PRMT3: variants seen among roughly 807,000 people sequenced by gnomAD.
PRMT3 encodes the protein protein arginine methyltransferase 3, also known as protein arginine N-methyltransferase 3.
In PRMT3, 62 loss-of-function variants were observed where a neutral mutation model predicts 71.9. That is an observed-to-expected ratio of 0.86 (90% CI 0.70 to 1.07). The LOEUF is 1.07. Ranked by LOEUF, PRMT3 falls within the 50% of genes least tolerant of loss-of-function variation. PRMT3 has a pLI of 0.00. For missense variants in PRMT3, 663 were observed against 643.0 expected, an observed-to-expected ratio of 1.03 and a Z score of -0.34; for synonymous variants, 213 against 220.4, an observed-to-expected ratio of 0.97 and a Z score of 0.30.
intron 13 of PRMT3, among the ~76,000 whole-genome samples, chr11:20,476,152 C>A (rs1300559816): frequency 6.6e-6 from 1 of 151,684 alleles, no homozygotes; most frequent in Non-Finnish European, 1.5e-5. Context: ...GAGTTCAAGA[C>A]CAGCCTGGCC....
At chr11:20,404,162 T>G (rs1443063371) in intron 8 of PRMT3, among the ~76,000 whole-genome samples, 1 of 11,634 alleles carries the variant, frequency 8.6e-5, no homozygotes, top group East Asian at 7.1e-4. Context: ...TTATATTTAG[T>G]TTTTTTTTGT....
At chr11:20,476,871 CTCT>C (rs1042914037) in intron 13 of PRMT3, among the ~76,000 whole-genome samples, 132 of 152,062 alleles carry the variant, frequency 8.7e-4, no homozygotes, top group African/African-American at 3.0e-3. Flanking sequence ...GATTTTGCTT[CTCT>C]TCCCTTTTAA....
At chr11:20,485,443 C>T (rs1247114277) in intron 13 of PRMT3, among the ~76,000 whole-genome samples, 1 of 152,054 alleles carries the variant, frequency 6.6e-6, no homozygotes, top group African/African-American at 2.4e-5. Flanking sequence ...TTTTGAAAAA[C>T]TATGCTTACT....
intron 4 of PRMT3, 64 bp downstream of exon 4, chr11:20,392,324 G>C: frequency 6.9e-7 from 1 of 1,447,468 alleles, no homozygotes; most frequent in Non-Finnish European, 9.3e-7. Flanking sequence ...GTGACTGTCA[G>C]TGTACTGATT....
chr11:20,480,422 G>A (rs1478832191), intron 13 of PRMT3, among the ~76,000 whole-genome samples: 1 of 152,148 alleles, frequency 6.6e-6, no homozygotes, highest in Non-Finnish European at 1.5e-5. Flanking sequence ...TCTATCTGGT[G>A]GTCAGTAGTT....
intron 15 of PRMT3, among the ~76,000 whole-genome samples, chr11:20,495,766 G>A (rs890202702): frequency 2.0e-5 from 3 of 152,064 alleles, no homozygotes; most frequent in Non-Finnish European, 4.4e-5. Context: ...AAGTCTTCTT[G>A]TACCACCTTC....
intron 10 of PRMT3, among the ~76,000 whole-genome samples, chr11:20,430,622 G>A (rs1217583508): frequency 6.6e-6 from 1 of 151,452 alleles, no homozygotes; most frequent in Non-Finnish European, 1.5e-5. Flanking sequence ...ATATATTTAA[G>A]GTGTACAACA....
chr11:20,394,835 T>G (rs1313750645), intron 5 of PRMT3, among the ~76,000 whole-genome samples: 2 of 152,208 alleles, frequency 1.3e-5, no homozygotes, highest in Non-Finnish European at 2.9e-5. Flanking sequence ...TGTCTGTTTG[T>G]GTCTGGCTTA....
chr11:20,486,140 T>C (rs1851065537), intron 13 of PRMT3, among the ~76,000 whole-genome samples: 1 of 152,176 alleles, frequency 6.6e-6, no homozygotes, highest in Non-Finnish European at 1.5e-5. Context: ...AGATGAAATA[T>C]CCAGAATAGG....
chr11:20,390,304 C>A (rs1023568906), intron 3 of PRMT3, among the ~76,000 whole-genome samples: 14 of 152,164 alleles, frequency 9.2e-5, no homozygotes, highest in Non-Finnish European at 1.8e-4. Flanking sequence ...ATAAGTCACT[C>A]TTCTAGACAA....
intron 15 of PRMT3, among the ~76,000 whole-genome samples, chr11:20,507,088 G>T (rs1590120417): frequency 1.3e-5 from 2 of 152,072 alleles, no homozygotes; most frequent in South Asian, 4.1e-4. Context: ...ATTCCTGAAG[G>T]TTCTGTGTAT....
intron 11 of PRMT3, among the ~76,000 whole-genome samples, chr11:20,460,217 C>T (rs1850352980): frequency 6.6e-6 from 1 of 152,108 alleles, no homozygotes. Flanking sequence ...ATTGTTTACA[C>T]CTGAAAGCTA....
intron 9 of PRMT3, among the ~76,000 whole-genome samples, chr11:20,423,499 A>G (rs560919289): frequency 4.1e-4 from 63 of 152,292 alleles, no homozygotes; most frequent in Non-Finnish European, 7.8e-4. Context: ...GCAGTTGAAT[A>G]GTTGCAACAG....
At chr11:20,460,727 A>G (rs1286086915) in intron 11 of PRMT3, among the ~76,000 whole-genome samples, 1 of 152,088 alleles carries the variant, frequency 6.6e-6, no homozygotes, top group Non-Finnish European at 1.5e-5. Context: ...ATCTGCCCAT[A>G]TTTATGTCCT....
intron 7 of PRMT3, among the ~76,000 whole-genome samples, chr11:20,402,636 C>G (rs1033979883): frequency 6.6e-6 from 1 of 152,118 alleles, no homozygotes; most frequent in Non-Finnish European, 1.5e-5. Flanking sequence ...CTTTAATTAT[C>G]ACTCTAAGTC....
chr11:20,435,020 A>AT (rs1182001093), intron 10 of PRMT3, among the ~76,000 whole-genome samples: 7 of 152,014 alleles, frequency 4.6e-5, no homozygotes, highest in African/African-American at 1.7e-4. Context: ...TCTGCATGGG[A>AT]TTTTTTTGTA....
In PRMT3 at chr11:20,508,335, CAAG is replaced by C; in HGVS notation, c.1521_1523del (p.Lys507del). Reference sequence around the variant, plus strand: ...CCTTGAAAGGAAAGGTCACAGTTCACAAGAATAAGAAAGATCCACGTTCTCTCA... The same window carrying C: ...CCTTGAAAGGAAAGGTCACAGTTCACAATAAGAAAGATCCACGTTCTCTCA... On this transcript the variant is annotated inframe_deletion, in exon 16 of 16. Transcript: ENST00000331079. The C allele has an allele frequency of 6.2e-7, 1 of 1,611,130 alleles. No individual in the cohort carries two copies. The highest frequency in any genetic ancestry group is 8.5e-7 in the Non-Finnish European group (1 of 1,177,460).
chr11:20,431,892 A>C (rs1470274469), intron 10 of PRMT3, among the ~76,000 whole-genome samples: 1 of 152,094 alleles, frequency 6.6e-6, no homozygotes. Context: ...ATTCCGCAGT[A>C]CTGTTTTCTA....
At chr11:20,388,734 G>C (rs2133289860) in intron 2 of PRMT3, among the ~76,000 whole-genome samples, 1 of 152,344 alleles carries the variant, frequency 6.6e-6, no homozygotes, top group Non-Finnish European at 1.5e-5. Context: ...TAAGGAAAAA[G>C]ACTGTAGTAT....
Sources: gnomAD v4.1 joint callset for allele counts (sites outside exome capture counted in the v4.1 genomes callset) on GRCh38, gnomAD v4.1.1 for gene constraint, MANE v1.5 for transcripts, NCBI Gene and HGNC (gene_info 2026-07-23, HGNC 2026-07-21) for gene names.